The following NPIPB2 variants were observed in gnomAD, a reference collection of about 807,000 sequenced individuals.
The protein encoded by NPIPB2 is nuclear pore complex-interacting protein family member B2.
A neutral mutation model predicts 30.8 loss-of-function variants in NPIPB2; 27 were observed. The ratio of observed to expected loss-of-function variants is 0.88; its 90% CI spans 0.65 to 1.21. The LOEUF is 1.21. Among genes scored for constraint, NPIPB2 ranks in the 50% most tolerant of loss-of-function variants. The pLI is 0.00. For missense variants in NPIPB2, 440 were observed against 446.2 expected (o/e 0.99, Z 0.13); for synonymous variants, 147 against 162.0 (o/e 0.91, Z 0.70).
chr16:11,967,890 G>T, intron 1 of NPIPB2: 1 of 1,593,094 alleles, frequency 6.3e-7, no homozygotes. Flanking sequence ...AAAATCTTTT[G>T]TCAGAATAGA....
rs1448445913 is a variant in NPIPB2, at chr16:11,967,903, A to G, written c.-584+8665T>C. ...TAAAAATCTTTTGTCAGAATAGATG[A>G]TGTGTCAGATCTCTTTAGGATGACT... On this transcript the variant is annotated intron_variant, in intron 1 of 5. Coordinates refer to the NPIPB2 transcript ENST00000538896. 4 of 1,572,628 alleles carry G rather than the reference A, an allele frequency of 2.5e-6. No homozygotes were observed. In the African/African-American group the frequency reaches 5.4e-5, roughly 21 times the overall value.
At chr16:11,955,286 G>A (rs370790344) in intron 1 of NPIPB2, among the ~76,000 whole-genome samples, 105 of 151,304 alleles carry the variant, frequency 6.9e-4, no homozygotes, top group African/African-American at 2.5e-3. Flanking sequence ...CCTGGGAGGC[G>A]GGGTTTGCAG....
intron 1 of NPIPB2, among the ~76,000 whole-genome samples, chr16:11,959,938 G>A (rs1244257449): frequency 1.3e-5 from 2 of 152,116 alleles, no homozygotes; most frequent in Admixed American, 1.3e-4. Context: ...ACCACACCTG[G>A]CTAATTTTTA....
At chr16:11,953,244 C>G (rs971583696) in intron 1 of NPIPB2, among the ~76,000 whole-genome samples, 4 of 152,170 alleles carry the variant, frequency 2.6e-5, no homozygotes, top group Non-Finnish European at 5.9e-5. Flanking sequence ...TTCCTGGGTT[C>G]AAGTGATTCT....
intron 1 of NPIPB2, among the ~76,000 whole-genome samples, chr16:11,975,780 G>T (rs1007091685): frequency 1.3e-5 from 2 of 151,880 alleles, no homozygotes; most frequent in African/African-American, 4.8e-5. Context: ...TAGTAGAGAT[G>T]GGGTTTCACT....
intron 1 of NPIPB2, among the ~76,000 whole-genome samples, chr16:11,962,068 C>T (rs1693271593): frequency 6.6e-6 from 1 of 151,808 alleles, no homozygotes; most frequent in African/African-American, 2.4e-5. Context: ...GGCATGGTGG[C>T]ATGTGCGTAG....
intron 1 of NPIPB2, among the ~76,000 whole-genome samples, chr16:11,963,294 C>T (rs1281447300): frequency 2.0e-5 from 3 of 151,142 alleles, no homozygotes; most frequent in East Asian, 3.9e-4. Flanking sequence ...GCCAGAGAAT[C>T]GCTTGAACCT....
At chr16:11,947,681 T>C (rs1419448393) in intron 1 of NPIPB2, among the ~76,000 whole-genome samples, 1 of 151,888 alleles carries the variant, frequency 6.6e-6, no homozygotes, top group Non-Finnish European at 1.5e-5. Flanking sequence ...TCATCAGAAA[T>C]TCTAGATGAA....
At chr16:11,967,520 C>T (rs1164791851) in intron 1 of NPIPB2, 3 of 1,571,812 alleles carry the variant, frequency 1.9e-6, no homozygotes, top group East Asian at 4.5e-5. Flanking sequence ...ACTCTCATGA[C>T]CACATTCTCT....
intron 1 of NPIPB2, among the ~76,000 whole-genome samples, chr16:11,951,428 C>A (rs1434168185): frequency 7.4e-6 from 1 of 136,026 alleles, no homozygotes; most frequent in Non-Finnish European, 1.5e-5. Flanking sequence ...CATGCCACTG[C>A]ACTCCAGCCT....
chr16:11,931,534 C>A (rs1335680047), intron 4 of NPIPB2, among the ~76,000 whole-genome samples: 1 of 152,204 alleles, frequency 6.6e-6, no homozygotes, highest in South Asian at 2.1e-4. Context: ...TGGCCTCAAA[C>A]AAGGTGTGTG....
intron 1 of NPIPB2, chr16:11,963,991 T>C (rs1309748921): frequency 6.7e-6 from 1 of 150,144 alleles, no homozygotes; most frequent in African/African-American, 2.5e-5. Context: ...GCTGTGATTG[T>C]GTCACTGCAC....
intron 1 of NPIPB2, among the ~76,000 whole-genome samples, chr16:11,950,180 C>G (rs1214917735): frequency 6.6e-6 from 1 of 152,014 alleles, no homozygotes; most frequent in Non-Finnish European, 1.5e-5. Flanking sequence ...TTACAGACAC[C>G]TGCCACCACC....
intron 1 of NPIPB2, among the ~76,000 whole-genome samples, chr16:11,972,638 G>A (rs2055242852): frequency 6.6e-6 from 1 of 152,124 alleles, no homozygotes. Flanking sequence ...ACTTTGGGAG[G>A]CTGAGGCAGG....
At chr16:11,933,454 C>T in intron 4 of NPIPB2, 63 bp downstream of exon 4, 3 of 1,592,352 alleles carry the variant, frequency 1.9e-6, no homozygotes, top group Admixed American at 3.3e-5. Flanking sequence ...AAGGACTTTA[C>T]AGTTGTCTAC....
intron 1 of NPIPB2, chr16:11,966,426 C>G (rs565210699): frequency 1.5e-5 from 21 of 1,395,634 alleles, no homozygotes; most frequent in Admixed American, 6.0e-5. Context: ...TTAGCGTTGA[C>G]TATTTCACTT....
At chr16:11,972,205 G>A (rs2055240122) in intron 1 of NPIPB2, among the ~76,000 whole-genome samples, 1 of 152,144 alleles carries the variant, frequency 6.6e-6, no homozygotes, top group Non-Finnish European at 1.5e-5. Context: ...GGATTGTGGA[G>A]ACCGTAGTTC....
intron 1 of NPIPB2, among the ~76,000 whole-genome samples, chr16:11,948,814 T>C (rs1000152773): frequency 7.0e-6 from 1 of 143,878 alleles, no homozygotes; most frequent in Non-Finnish European, 1.5e-5. Context: ...AAATATTAGC[T>C]ACTTCAGAGG....
In NPIPB2 at chr16:11,975,438, C is replaced by T. The variant is rs62037671; in HGVS notation, c.-584+1130G>A. The stretch of plus-strand genomic sequence containing the variant: ...CTGGGATTACAGGCGTGAGCCACCG[C>T]GCCCGGCCAATCCATCACCTTTTCT... On this transcript the variant is annotated intron_variant, in intron 1 of 5. Coordinates refer to the NPIPB2 transcript ENST00000538896. 6.6e-3 allele frequency among the ~76,000 whole-genome samples: 996 copies of T among 152,026 alleles called. 7 individuals carry two copies. The highest frequency in any genetic ancestry group is 0.011 in the Non-Finnish European group (727 of 67,992).
Sources: gnomAD v4.1 joint callset for allele counts (sites outside exome capture counted in the v4.1 genomes callset) on GRCh38, gnomAD v4.1.1 for gene constraint, MANE v1.5 for transcripts, NCBI Gene and HGNC (gene_info 2026-07-23, HGNC 2026-07-21) for gene names.